The following FUT8 variants were observed in gnomAD, a reference collection of about 807,000 sequenced individuals.
FUT8 encodes fucosyltransferase 8, also known as alpha-(1,6)-fucosyltransferase.
In FUT8, 29 loss-of-function variants were observed where a neutral mutation model predicts 71.3. The observed-to-expected ratio is 0.41, with a 90% CI of 0.30 to 0.55. The LOEUF is 0.55. FUT8 is among the 20% of genes least tolerant of loss of function. The probability of loss-of-function intolerance (pLI) is 0.34; values close to 1 mark genes in which losing one functional copy is unlikely to be tolerated. For missense variants in FUT8, 544 were observed against 702.1 expected, an observed-to-expected ratio of 0.77 and a Z score of 2.55; for synonymous variants, 254 against 239.3, an observed-to-expected ratio of 1.06 and a Z score of -0.57.
chr14:65,657,375 T>G (rs1891732895), intron 6 of FUT8, among the ~76,000 whole-genome samples: 1 of 152,184 alleles, frequency 6.6e-6, no homozygotes, highest in Non-Finnish European at 1.5e-5. Context: ...CACTTCCATG[T>G]TTACTGCAGC....
intron 2 of FUT8, among the ~76,000 whole-genome samples, chr14:65,475,023 C>G (rs925216724): frequency 7.2e-5 from 11 of 152,158 alleles, no homozygotes; most frequent in African/African-American, 2.7e-4. Context: ...GTAAATATCA[C>G]TTGAGAATAT....
At chr14:65,717,749 G>A (rs546120728) in intron 7 of FUT8, among the ~76,000 whole-genome samples, 3 of 144,574 alleles carry the variant, frequency 2.1e-5, no homozygotes, top group South Asian at 2.3e-4. Context: ...CCTCTCAGAC[G>A]GGGCGGCCTG....
chr14:65,409,483 G>A (rs1024388238), upstream of FUT8, among the ~76,000 whole-genome samples: 1 of 152,168 alleles, frequency 6.6e-6, no homozygotes, highest in Non-Finnish European at 1.5e-5. The surrounding 1 kb of genome is among the most constrained non-coding windows in gnomAD (Gnocchi z 5.4). Flanking sequence ...GAGGCCTGGT[G>A]CTCAGCACTA....
intron 1 of FUT8, among the ~76,000 whole-genome samples, chr14:65,420,312 T>G (rs1258555522): frequency 6.6e-6 from 1 of 152,106 alleles, no homozygotes; most frequent in East Asian, 1.9e-4. Context: ...AGATGAGGTC[T>G]TGCTCTGTTG....
Position 65,483,634 on chromosome 14 carries a change from G to A in FUT8, c.-228+27916G>A, listed in dbSNP as rs1036270408. On this transcript the variant is annotated intron_variant, in intron 2 of 10. Transcript: ENST00000673929. This position sits in a 1 kb window ranked among gnomAD's most constrained non-coding sequence, Gnocchi z 4.4. ...TCAGCAGTATTTTATTGTTTTCAAT[G>A]TACTGATCTTACCCATATTTTATTA... Among the ~76,000 whole-genome samples the A allele has an allele frequency of 6.6e-6, 1 of 151,844 alleles. No homozygotes were observed. The highest frequency in any genetic ancestry group is 2.4e-5 in the African/African-American group (1 of 41,336).
Position 65,579,052 on chromosome 14 carries a change from A to G in FUT8, c.203+17286A>G, listed in dbSNP as rs79282550. Among the ~76,000 whole-genome samples, 869 of 152,116 alleles carry G rather than the reference A, an allele frequency of 5.7e-3. 4 individuals carry two copies. Among genetic ancestry groups the G allele is most frequent in the Non-Finnish European group, 9.7e-3 (659 of 67,854 alleles). ...CAAATAAAGACAAAAGGGACTTTCAAAAGTGTAATTTAATGTTAATTCTCA... is the reference window on the plus strand; with the variant it reads ...CAAATAAAGACAAAAGGGACTTTCAGAAGTGTAATTTAATGTTAATTCTCA... On this transcript the variant is annotated intron_variant, in intron 3 of 10. Coordinates refer to ENST00000673929, the MANE Select transcript of FUT8 (RefSeq NM_001371533.1).
At chr14:65,421,135 G>A (rs2139382218) in intron 1 of FUT8, among the ~76,000 whole-genome samples, 1 of 147,022 alleles carries the variant, frequency 6.8e-6, no homozygotes, top group East Asian at 2.0e-4. Flanking sequence ...GGAGGTTGCA[G>A]TGAGCCAAGG....
intron 3 of FUT8, among the ~76,000 whole-genome samples, chr14:65,595,471 T>G (rs966912145): frequency 9.2e-5 from 14 of 152,174 alleles, no homozygotes; most frequent in Non-Finnish European, 2.9e-5. Flanking sequence ...GTTATATACC[T>G]CAGTCTGGAT....
intron 2 of FUT8, among the ~76,000 whole-genome samples, chr14:65,530,838 T>TCCCC (rs1168402269): frequency 2.1e-3 from 315 of 149,676 alleles, no homozygotes; most frequent in Non-Finnish European, 3.2e-3. Context: ...TCTCCCTCCC[T>TCCCC]CCCCCTCTCT....
chr14:65,612,054 T>G (rs1889028904), intron 3 of FUT8, among the ~76,000 whole-genome samples: 1 of 152,230 alleles, frequency 6.6e-6, no homozygotes, highest in African/African-American at 2.4e-5. Context: ...CTATGGTGAT[T>G]CTAACATCTG....
intron 2 of FUT8, among the ~76,000 whole-genome samples, chr14:65,547,816 C>T (rs955552963): frequency 6.6e-6 from 1 of 151,842 alleles, no homozygotes; most frequent in South Asian, 2.1e-4. Context: ...CTAATGTTAA[C>T]ATCTTACGTA....
At chr14:65,596,372 G>A (rs758856004) in intron 3 of FUT8, among the ~76,000 whole-genome samples, 14 of 152,174 alleles carry the variant, frequency 9.2e-5, no homozygotes, top group African/African-American at 1.2e-4. Flanking sequence ...TGCTTTGACA[G>A]CAGCAATATT....
At chr14:65,714,370 T>C (rs1894949588) in intron 7 of FUT8, among the ~76,000 whole-genome samples, 1 of 152,106 alleles carries the variant, frequency 6.6e-6, no homozygotes, top group South Asian at 2.1e-4. Context: ...TTGTGCTTTC[T>C]GCTTAGGACA....
chr14:65,724,208 T>C lies in FUT8; in HGVS notation c.1144T>C (p.Tyr382His). 1 of 1,613,346 alleles carries C rather than the reference T, an allele frequency of 6.2e-7. No homozygotes were observed. The highest frequency in any genetic ancestry group is 8.5e-7 in the Non-Finnish European group (1 of 1,179,748). ...AGCTGCCTTCCATCCCATTGAAGAG[T>C]ACATGGTGCATGTTGAAGAACATTT... The part of the protein sequence containing the change: ...TEAAFHPIEE[Y>H]MVHVEEHFQL... The change falls in exon 9 of 11, where the codon TAC (tyrosine) becomes CAC (histidine). Residue 382 changes from tyrosine (Y) to histidine (H), a missense_variant. Physicochemically the swap from Tyr to His is moderately conservative, Grantham distance 83. Transcript: ENST00000673929.
rs1052993644 is a variant in FUT8 at position 65,660,566 on chromosome 14, T to C, written c.598-8677T>C. ...ATTTTACAGAATACCCATAGGGAAA[T>C]TGATTTCCTGAAGCACTTGGTAAAC... is the stretch of plus-strand genomic sequence containing the variant. On this transcript the variant is annotated intron_variant, in intron 6 of 10. Transcript: ENST00000673929. The surrounding 1 kb of genome is among the most constrained non-coding windows in gnomAD (Gnocchi z 4.1). 1.2e-4 allele frequency among the ~76,000 whole-genome samples: 19 copies of C among 152,176 alleles called. No homozygotes were observed. The highest frequency in any genetic ancestry group is 2.4e-4 in the Non-Finnish European group (16 of 68,010).
chr14:65,608,914 T>G (rs774276245), intron 3 of FUT8, among the ~76,000 whole-genome samples: 7 of 152,012 alleles, frequency 4.6e-5, no homozygotes, highest in Non-Finnish European at 7.4e-5. Flanking sequence ...TAAATCTTTT[T>G]GCTTATGAGG....
At chr14:65,443,269 G>A (rs1006134351) in intron 1 of FUT8, among the ~76,000 whole-genome samples, 1 of 152,076 alleles carries the variant, frequency 6.6e-6, no homozygotes, top group Non-Finnish European at 1.5e-5. Flanking sequence ...AATTAGCCGG[G>A]CATGGTGGTG....
At chr14:65,599,352 C>T (rs181430676) in intron 3 of FUT8, among the ~76,000 whole-genome samples, 6 of 152,318 alleles carry the variant, frequency 3.9e-5, no homozygotes, top group Non-Finnish European at 7.4e-5. Flanking sequence ...AGTGGTTCAC[C>T]TCTTCTTCAT....
chr14:65,489,312 T>TG lies in FUT8; in HGVS notation c.-228+33594_-228+33595insG, dbSNP rs2066451422. ...ACAATGGTGAATATGAAGCAAGTGT[T>TG]CAGTATCCTAGCTTTCTCTAATTTT... is the stretch of plus-strand genomic sequence containing the variant. On this transcript the variant is annotated intron_variant, in intron 2 of 10. Transcript: ENST00000673929. This position sits in a 1 kb window ranked among gnomAD's most constrained non-coding sequence, Gnocchi z 4.0. Among the ~76,000 whole-genome samples, 1 of 152,162 alleles carries TG rather than the reference T, an allele frequency of 6.6e-6. No homozygotes were observed. Among genetic ancestry groups the TG allele is most frequent in the Non-Finnish European group, 1.5e-5 (1 of 68,000 alleles).
Sources: gnomAD v4.1 joint callset for allele counts (sites outside exome capture counted in the v4.1 genomes callset) on GRCh38, gnomAD v4.1.1 for gene constraint, Gnocchi (gnomAD v3.1) non-coding constraint, MANE v1.5 for transcripts, NCBI Gene and HGNC (gene_info 2026-07-23, HGNC 2026-07-21) for gene names.